ERBB4: variants seen among roughly 807,000 people sequenced by gnomAD.
ERBB4 encodes receptor tyrosine-protein kinase erbB-4.
ERBB4 carries 42 observed loss-of-function variants against 158.0 expected under a neutral mutation model. That is an observed-to-expected ratio of 0.27 (90% CI 0.21 to 0.34). The LOEUF (loss-of-function observed/expected upper bound fraction) is 0.34. ERBB4 is among the 10% of genes least tolerant of loss of function. The pLI is 1.00. For missense variants in ERBB4, 1,333 were observed against 1,624.1 expected (o/e 0.82, Z 3.08); for synonymous variants, 583 against 558.7 (o/e 1.04, Z -0.61).
intron 2 of ERBB4, among the ~76,000 whole-genome samples, chr2:212,059,963 G>A (rs939104428): frequency 1.3e-5 from 2 of 152,162 alleles, no homozygotes; most frequent in African/African-American, 4.8e-5. Flanking sequence ...AAACTAAAGA[G>A]CTTCTGCACA....
intron 12 of ERBB4, among the ~76,000 whole-genome samples, chr2:211,691,993 T>C (rs77946934): frequency 0.035 from 5,339 of 152,268 alleles, 301 homozygotes; most frequent in African/African-American, 0.12. Context: ...TTTCAAAAAA[T>C]GTCACTTCAA....
At chr2:212,037,330 G>C (rs2077039522) in intron 2 of ERBB4, among the ~76,000 whole-genome samples, 1 of 152,168 alleles carries the variant, frequency 6.6e-6, no homozygotes, top group Admixed American at 6.6e-5. Flanking sequence ...ACACATCTGA[G>C]AGATGAGAAT....
chr2:211,933,217 A>G (rs2080224416), intron 3 of ERBB4, among the ~76,000 whole-genome samples: 1 of 152,092 alleles, frequency 6.6e-6, no homozygotes, highest in Admixed American at 6.6e-5. Context: ...TACGACATGC[A>G]ATTTCTAAGT....
intron 1 of ERBB4, among the ~76,000 whole-genome samples, chr2:212,268,274 T>C (rs1167601315): frequency 6.6e-6 from 1 of 151,884 alleles, no homozygotes; most frequent in East Asian, 1.9e-4. Context: ...GATCCTCTGA[T>C]TTAATGAGAT....
chr2:212,004,421 C>T (rs1209917766), intron 2 of ERBB4, among the ~76,000 whole-genome samples: 2 of 152,128 alleles, frequency 1.3e-5, no homozygotes, highest in Non-Finnish European at 2.9e-5. Context: ...TTAGACATCC[C>T]GATTCCTATT....
At chr2:211,541,753 T>A (rs1204660754) in intron 20 of ERBB4, among the ~76,000 whole-genome samples, 2 of 152,036 alleles carry the variant, frequency 1.3e-5, no homozygotes, top group Non-Finnish European at 2.9e-5. Context: ...ATTTCATCAG[T>A]GCTATCATTG....
Position 212,297,261 on chromosome 2 carries a change from A to G in ERBB4, c.83-172358T>C, listed in dbSNP as rs574985076. On this transcript the variant is annotated intron_variant, in intron 1 of 27. Coordinates refer to ENST00000342788, the MANE Select transcript of ERBB4 (RefSeq NM_005235.3). ...TCCAATAAAACAGTTTTGGCTTTCA[A>G]TTAAAATTAATGTGTGTGTATGGTA... is the stretch of plus-strand genomic sequence containing the variant. Among the ~76,000 whole-genome samples, 8 of 152,158 alleles carry G rather than the reference A, an allele frequency of 5.3e-5. No homozygotes were observed. The South Asian group carries it at 1.0e-3, about 20-fold the overall frequency.
intron 2 of ERBB4, among the ~76,000 whole-genome samples, chr2:212,100,841 G>A (rs2079062441): frequency 6.6e-6 from 1 of 152,116 alleles, no homozygotes; most frequent in Admixed American, 6.5e-5. Context: ...ACTAGGCCTT[G>A]AGTCCTTTAG....
intron 3 of ERBB4, among the ~76,000 whole-genome samples, chr2:211,933,881 A>G (rs1273203523): frequency 6.6e-6 from 1 of 152,006 alleles, no homozygotes; most frequent in Non-Finnish European, 1.5e-5. Flanking sequence ...TATGTGCTAA[A>G]TTTAAGTGTA....
At chr2:212,430,472 G>A (rs866772357) in intron 1 of ERBB4, among the ~76,000 whole-genome samples, 2 of 148,844 alleles carry the variant, frequency 1.3e-5, no homozygotes, top group Admixed American at 6.7e-5. Flanking sequence ...ATGAAGTCTC[G>A]CTTTGTTGCC....
In ERBB4 at chr2:211,377,042, T is replaced by C. The variant is rs2062486936; in HGVS notation, c.*6573A>G. On this transcript the variant is annotated 3_prime_UTR_variant, in exon 28 of 28. Transcript: ENST00000342788. ...ACCTTACATATCTACATTTAGAAAA[T>C]AACTTTCGTAGTTGATTACTGGAGT... The C allele has an allele frequency of 8.6e-6, 2 of 233,030 alleles. No individual in the cohort carries two copies. The highest frequency in any genetic ancestry group is 2.2e-5 in the African/African-American group (1 of 45,394). The allele number at this position is 233,030 out of a possible 1,614,324, so 14.4% of individuals were successfully genotyped here. A position where few individuals can be genotyped will look rare whatever the true frequency, so the allele number is the denominator to read the frequency against.
chr2:211,381,648 CAGTT>C lies in ERBB4; in HGVS notation c.*1963_*1966del, dbSNP rs2062575653. On this transcript the variant is annotated 3_prime_UTR_variant, in exon 28 of 28. Transcript: ENST00000342788. The stretch of plus-strand genomic sequence containing the variant: ...CAAAACATGGTGCTTTTAGTAGACA[CAGTT>C]AGATAAAGGAGGTTTGGATGGATGG... 2 of 231,416 alleles carry C rather than the reference CAGTT, an allele frequency of 8.6e-6. No homozygotes were observed. The highest frequency in any genetic ancestry group is 4.4e-5 in the African/African-American group (2 of 45,174). 14.3% of individuals were successfully genotyped at this position (231,416 alleles called of 1,614,324 possible).
At chr2:211,614,344 C>A (rs544047045) in intron 19 of ERBB4, among the ~76,000 whole-genome samples, 1 of 152,022 alleles carries the variant, frequency 6.6e-6, no homozygotes, top group Admixed American at 6.6e-5. Context: ...ATAAGGCCTA[C>A]TATTTGATAG....
intron 3 of ERBB4, among the ~76,000 whole-genome samples, chr2:211,913,615 ATATATGTGTGTG>A (rs1347715882): frequency 9.7e-6 from 1 of 102,804 alleles, no homozygotes; most frequent in African/African-American, 4.0e-5. Context: ...AAATATATAT[ATATATGTGTGTG>A]TGTGTGTGTG....
rs114054234 is a variant in ERBB4 at position 212,017,455 on chromosome 2, C to T, written c.235-69839G>A. 2.9e-3 allele frequency among the ~76,000 whole-genome samples: 447 copies of T among 152,062 alleles called. 2 individuals are homozygous for T. The highest frequency in any genetic ancestry group is 4.3e-3 in the Non-Finnish European group (291 of 67,924). ...AAAGATTGAGAAGAATTCCCTGGAA[C>T]ATAATGTAATAAAACTTATTTTCAA... On this transcript the variant is annotated intron_variant, in intron 2 of 27. Coordinates refer to ENST00000342788, the MANE Select transcript of ERBB4 (RefSeq NM_005235.3).
rs3791694 is a variant in ERBB4 at position 211,405,606 on chromosome 2, C to T, written c.3135+14835G>A. On this transcript the variant is annotated intron_variant, in intron 25 of 27. Coordinates refer to ENST00000342788, the MANE Select transcript of ERBB4 (RefSeq NM_005235.3). The stretch of plus-strand genomic sequence containing the variant: ...TCTTCCTTTCTGAATTCACATTCTG[C>T]GTCCTTTCTTCCTTTCACATAGATG... Among the ~76,000 whole-genome samples the T allele has an allele frequency of 0.014, 2,197 of 152,212 alleles. 171 individuals are homozygous for T. The East Asian group carries it at 0.25, about 18-fold the overall frequency.
intron 2 of ERBB4, among the ~76,000 whole-genome samples, chr2:211,978,367 T>A (rs549334669): frequency 3.2e-4 from 35 of 110,680 alleles, no homozygotes; most frequent in African/African-American, 1.2e-3. Context: ...AGTCTGAGTC[T>A]GTCTGTCTGT....
intron 1 of ERBB4, among the ~76,000 whole-genome samples, chr2:212,250,509 T>C (rs1311632305): frequency 6.6e-6 from 1 of 151,970 alleles, no homozygotes; most frequent in Admixed American, 6.6e-5. Flanking sequence ...ATAAATGAGA[T>C]TGCGAGATAT....
At chr2:212,485,365 TTTCTACA>T (rs1408316543) in intron 1 of ERBB4, among the ~76,000 whole-genome samples, 2 of 152,248 alleles carry the variant, frequency 1.3e-5, no homozygotes, top group African/African-American at 4.8e-5. Flanking sequence ...TTGTTTTACT[TTTCTACA>T]TTCTCAACTA....
Sources: gnomAD v4.1 joint callset for allele counts (sites outside exome capture counted in the v4.1 genomes callset) on GRCh38, gnomAD v4.1.1 for gene constraint, MANE v1.5 for transcripts, NCBI Gene and HGNC (gene_info 2026-07-23, HGNC 2026-07-21) for gene names.